MCM7: variants seen among roughly 807,000 people sequenced by gnomAD.
MCM7 encodes minichromosome maintenance complex component 7.
A neutral mutation model predicts 83.5 loss-of-function variants in MCM7; 95 were observed. The observed-to-expected ratio is 1.14, with a 90% CI of 0.96 to 1.35. The LOEUF is 1.35. Among genes scored for constraint, MCM7 ranks in the 40% most tolerant of loss-of-function variants. The pLI is 0.00. For synonymous variants in MCM7, 461 were observed against 352.7 expected (o/e 1.31, Z -3.44); for missense variants, 1,087 against 957.4 (o/e 1.14, Z -1.79).
chr7:100,094,252 C>A lies in MCM7; in HGVS notation c.1769G>T (p.Arg590Leu). The A allele has an allele frequency of 1.9e-6, 3 of 1,614,218 alleles. No homozygotes were observed. Among genetic ancestry groups the A allele is most frequent in the Non-Finnish European group, 2.5e-6 (3 of 1,180,046 alleles). The change falls in exon 13 of 15, where the codon CGA becomes CTA. Residue 590 changes from arginine (R) to leucine (L), a missense_variant. By Grantham distance (102) the Arg-to-Leu change is moderately radical. Coordinates refer to ENST00000303887, the MANE Select transcript of MCM7 (RefSeq NM_005916.5). ...GGCATCCTTACTAGCCCAAGCCTCT[C>A]GCCTCATCTCCACGTATGCTGCTGT... ...YITAAYVEMRREAWASKDATY... is the reference protein window; with the variant it reads ...YITAAYVEMRLEAWASKDATY...
rs764097702 is a variant in MCM7, at chr7:100,096,119, G to A, written c.1250C>T (p.Ala417Val). The change falls in exon 11 of 15, where the codon GCT (alanine) becomes GTT (valine). Residue 417 changes from alanine (A) to valine (V), a missense_variant. Transcript: ENST00000303887. Reference sequence around the variant, plus strand: ...TCCACTCACGGAGTCTCTCAGCACAGCTGCCGTAAGCCCCACTCCTGAGGA... The same window carrying A: ...TCCACTCACGGAGTCTCTCAGCACAACTGCCGTAAGCCCCACTCCTGAGGA... Reference protein sequence around the residue: ...RGSSGVGLTAAVLRDSVSGEL... With the variant: ...RGSSGVGLTAVVLRDSVSGEL... 4 of 1,612,832 alleles carry A rather than the reference G, an allele frequency of 2.5e-6. No homozygotes were observed. The highest frequency in any genetic ancestry group is 1.7e-5 in the Admixed American group (1 of 59,984).
chr7:100,098,141 C>T lies in MCM7; in HGVS notation c.870G>A (p.Gln290=), dbSNP rs756545730. ...ILRTGFRQVV[Q]GLLSETYLEA... is the part of the protein sequence containing the mutation. ...TTCCTCATGTCAAACTCTTCCTTACCTGTACCACCTGTCGGAACCCAGTGC... is the reference window on the plus strand; with the variant it reads ...TTCCTCATGTCAAACTCTTCCTTACTTGTACCACCTGTCGGAACCCAGTGC... The change falls in exon 7 of 15, where the codon CAG becomes CAA. Residue 290 remains glutamine (Q), a splice_region_variant and synonymous_variant. Transcript: ENST00000303887. The T allele has an allele frequency of 1.9e-6, 3 of 1,613,822 alleles. No homozygotes were observed. Among genetic ancestry groups the T allele is most frequent in the South Asian group, 1.1e-5 (1 of 91,056 alleles).
chr7:100,094,077 T>C (rs755286870), intron 13 of MCM7, 96 bp downstream of exon 13: 7 of 1,489,278 alleles, frequency 4.7e-6, no homozygotes, highest in Non-Finnish European at 6.6e-6. Context: ...CCGGCAGGGC[T>C]GGAGCGGGAG....
chr7:100,096,230 C>A, intron 10 of MCM7, 63 bp from the exon 11 acceptor site: 1 of 1,489,574 alleles, frequency 6.7e-7, no homozygotes, highest in Non-Finnish European at 8.9e-7. Flanking sequence ...AAGCAAAAGA[C>A]AACAAACGGG....
Position 100,092,865 on chromosome 7 carries a change from A to G in MCM7, c.*67T>C. ...GCTCCTCCTTCCCCTCAAAGGCATC[A>G]CTGCCCCTTCCCAAGGGGCAGGCCA... On this transcript the variant is annotated 3_prime_UTR_variant, in exon 15 of 15. Coordinates refer to ENST00000303887, the MANE Select transcript of MCM7 (RefSeq NM_005916.5). 1 of 1,537,954 alleles carries G rather than the reference A, an allele frequency of 6.5e-7. No homozygotes were observed. The highest frequency in any genetic ancestry group is 1.1e-5 in the South Asian group (1 of 89,296).
intron 12 of MCM7, 65 bp downstream of exon 12, chr7:100,095,322 G>C (rs1322990600): frequency 3.6e-6 from 5 of 1,390,002 alleles, no homozygotes; most frequent in South Asian, 2.5e-5. Context: ...AGACTAATAA[G>C]CACTTTTTCA....
intron 7 of MCM7, 47 bp downstream of exon 7, chr7:100,098,094 T>G: frequency 6.2e-7 from 1 of 1,605,226 alleles, no homozygotes; most frequent in Non-Finnish European, 8.5e-7. Flanking sequence ...AATGAGTAGG[T>G]GAGGGAAAAG....
chr7:100,092,863 T>TCA lies in MCM7; in HGVS notation c.*67_*68dup. The TCA allele has an allele frequency of 1.9e-6, 3 of 1,544,038 alleles. No individual in the cohort carries two copies. Among genetic ancestry groups the TCA allele is most frequent in the Non-Finnish European group, 2.7e-6 (3 of 1,117,254 alleles). ...GGGCTCCTCCTTCCCCTCAAAGGCA[T>TCA]CACTGCCCCTTCCCAAGGGGCAGGC... On this transcript the variant is annotated 3_prime_UTR_variant, in exon 15 of 15. Transcript: ENST00000303887.
chr7:100,098,979 C>A, intron 5 of MCM7, 44 bp downstream of exon 5: 1 of 1,610,166 alleles, frequency 6.2e-7, no homozygotes, highest in Non-Finnish European at 8.5e-7. Flanking sequence ...CTCTACAAAA[C>A]AACTAATGGG....
chr7:100,093,989 G>A (rs374570697), intron 13 of MCM7, 184 bp downstream of exon 13: 37 of 811,802 alleles, frequency 4.6e-5, no homozygotes, highest in African/African-American at 1.5e-4. Flanking sequence ...GACGCTGTGC[G>A]TGCCCTGCTG....
At chr7:100,094,082 C>T (rs755176401) in intron 13 of MCM7, 91 bp downstream of exon 13, 36 of 1,506,678 alleles carry the variant, frequency 2.4e-5, no homozygotes, top group South Asian at 3.4e-5. Flanking sequence ...AGGGCTGGAG[C>T]GGGAGGTGGG....
intron 13 of MCM7, chr7:100,093,642 C>T (rs763017854): frequency 2.7e-6 from 2 of 743,972 alleles, no homozygotes; most frequent in East Asian, 2.6e-5. Flanking sequence ...TCAACACTGG[C>T]CAGTCCCGGA....
Position 100,098,684 on chromosome 7 carries a change from A to T in MCM7, c.614T>A (p.Met205Lys). The T allele has an allele frequency of 6.2e-7, 1 of 1,614,136 alleles. No individual in the cohort carries two copies. The highest frequency in any genetic ancestry group is 8.5e-7 in the Non-Finnish European group (1 of 1,180,012). The change falls in exon 6 of 15, where the codon ATG becomes AAG. Residue 205 changes from methionine to lysine, a missense_variant. Physicochemically the swap from Met to Lys is moderately conservative, Grantham distance 95. Transcript: ENST00000303887. ...IQSPTFMPLI[M>K]CPSQECQTNR... Reference sequence around the variant, plus strand: ...GGTTTGGCACTCCTGGCTTGGGCACATGATCAGAGGCATGAAAGTGGGAGA... The same window carrying T: ...GGTTTGGCACTCCTGGCTTGGGCACTTGATCAGAGGCATGAAAGTGGGAGA...
intron 10 of MCM7, among the ~76,000 whole-genome samples, chr7:100,096,648 G>A (rs1475527884): frequency 6.6e-6 from 1 of 152,034 alleles, no homozygotes; most frequent in African/African-American, 2.4e-5. Context: ...GGTGGCACGC[G>A]CCTGTAGTCC....
Position 100,094,294 on chromosome 7 carries a change from G to A in MCM7, c.1727C>T (p.Ser576Phe), listed in dbSNP as rs143337655. The change falls in exon 13 of 15, where the codon TCT becomes TTT. Residue 576 changes from serine to phenylalanine, a missense_variant. Coordinates refer to ENST00000303887, the MANE Select transcript of MCM7 (RefSeq NM_005916.5). Reference protein sequence around the residue: ...CREKQPMVPESLADYITAAYV... With the variant: ...CREKQPMVPEFLADYITAAYV... ...TGCTGCTGTGATGTAGTCAGCCAGA[G>A]ACTCTGGCACCATGGGCTGCTTCTC... 5 of 1,614,066 alleles carry A rather than the reference G, an allele frequency of 3.1e-6. No homozygotes were observed. The highest frequency in any genetic ancestry group is 4.2e-6 in the Non-Finnish European group (5 of 1,180,048).
At chr7:100,096,737 T>G (rs1443515875) in intron 10 of MCM7, among the ~76,000 whole-genome samples, 1 of 151,304 alleles carries the variant, frequency 6.6e-6, no homozygotes, top group Non-Finnish European at 1.5e-5. Context: ...ACCATGCCAT[T>G]GCACTCCAGT....
At chr7:100,094,542 C>T (rs1795516355) in intron 12 of MCM7, among the ~76,000 whole-genome samples, 1 of 152,194 alleles carries the variant, frequency 6.6e-6, no homozygotes, top group South Asian at 2.1e-4. Flanking sequence ...TAGCCCCCAC[C>T]AGTATCCTCC....
rs540136580 is a variant in MCM7 at position 100,094,329 on chromosome 7, G to A, written c.1692C>T (p.Ala564=). ...LDMKLMRRYI[A]MCREKQPMVP... ...CCATGGGCTGCTTCTCGCGGCACATGGCTATGTAACGCCTGTGGGGGAAGG... is the reference window on the plus strand; with the variant it reads ...CCATGGGCTGCTTCTCGCGGCACATAGCTATGTAACGCCTGTGGGGGAAGG... The change falls in exon 13 of 15, where the codon GCC becomes GCT. Residue 564 remains alanine, a synonymous_variant. Transcript: ENST00000303887. 1 of 1,614,092 alleles carries A rather than the reference G, an allele frequency of 6.2e-7. No individual in the cohort carries two copies. The highest frequency in any genetic ancestry group is 1.7e-5 in the Admixed American group (1 of 60,020).
At position 100,099,066 on chromosome 7, in the gene MCM7, G is replaced by A. The variant is rs1297231558; in HGVS notation, c.539C>T (p.Ala180Val). 6.2e-7 allele frequency: 1 copy of A among 1,614,152 alleles called. No individual in the cohort carries two copies. Among genetic ancestry groups the A allele is most frequent in the Non-Finnish European group, 8.5e-7 (1 of 1,180,026 alleles). Reference sequence around the variant, plus strand: ...CCCACACTGGTCACAAGTGTAAGTGGCCACCACCATCTTGGGTTTGACTTC... The same window carrying A: ...CCCACACTGGTCACAAGTGTAAGTGACCACCACCATCTTGGGTTTGACTTC... ...VSEVKPKMVV[A>V]TYTCDQCGAE... is the part of the protein sequence containing the mutation. The change falls in exon 5 of 15, where the codon GCC becomes GTC. Residue 180 changes from alanine (A) to valine (V), a missense_variant. Ala to Val is a moderately conservative substitution (Grantham distance 64). Coordinates refer to ENST00000303887, the MANE Select transcript of MCM7 (RefSeq NM_005916.5).
Sources: allele counts gnomAD v4.1 joint callset (sites outside exome capture counted in the v4.1 genomes callset), GRCh38; gene constraint gnomAD v4.1.1; transcripts MANE v1.5; gene names NCBI Gene and HGNC (gene_info 2026-07-23, HGNC 2026-07-21).